PDE3B: variants seen among roughly 807,000 people sequenced by gnomAD.
The protein encoded by PDE3B is cGMP-inhibited 3',5'-cyclic phosphodiesterase 3B.
PDE3B carries 66 observed loss-of-function variants against 116.8 expected under a neutral mutation model. That is an observed-to-expected ratio of 0.56 (90% CI 0.46 to 0.69). The LOEUF (loss-of-function observed/expected upper bound fraction) is 0.69, where lower values mean the gene tolerates loss of function less well. PDE3B is among the 30% of genes least tolerant of loss of function. The pLI, the probability that PDE3B is intolerant of heterozygous loss-of-function variation, is 0.00. For missense variants in PDE3B, 1,384 were observed against 1,368.1 expected, an observed-to-expected ratio of 1.01 and a Z score of -0.18; for synonymous variants, 595 against 533.6, an observed-to-expected ratio of 1.12 and a Z score of -1.59.
At chr11:14,841,924 C>T (rs940335158) in intron 11 of PDE3B, among the ~76,000 whole-genome samples, 3 of 151,268 alleles carry the variant, frequency 2.0e-5, no homozygotes, top group Non-Finnish European at 2.9e-5. Flanking sequence ...ATTGCTTTGG[C>T]TACTTGGAAT....
intron 11 of PDE3B, among the ~76,000 whole-genome samples, chr11:14,841,550 C>T (rs1353465750): frequency 6.7e-6 from 1 of 148,736 alleles, no homozygotes; most frequent in Admixed American, 6.8e-5. Context: ...GGTTTATGCA[C>T]ACAACAGCTA....
At chr11:14,695,684 C>T (rs565040209) in intron 1 of PDE3B, among the ~76,000 whole-genome samples, 68 of 151,566 alleles carry the variant, frequency 4.5e-4, no homozygotes, top group African/African-American at 1.5e-3. Context: ...CCTCCCCCAA[C>T]AGGCCCCAGC....
chr11:14,682,372 T>G (rs1423393525), intron 1 of PDE3B, among the ~76,000 whole-genome samples: 1 of 152,216 alleles, frequency 6.6e-6, no homozygotes, highest in African/African-American at 2.4e-5. Context: ...TGGCTAGGAC[T>G]TCCAGTACCA....
chr11:14,713,304 C>T (rs1855762875), intron 1 of PDE3B, among the ~76,000 whole-genome samples: 1 of 152,084 alleles, frequency 6.6e-6, no homozygotes, highest in Non-Finnish European at 1.5e-5. Flanking sequence ...TATGTGTGAA[C>T]CTCACTGGAT....
rs190956721 is a variant in PDE3B at position 14,806,227 on chromosome 11, C to T, written c.1522+2177C>T. On this transcript the variant is annotated intron_variant, in intron 5 of 15. Coordinates refer to ENST00000282096, the MANE Select transcript of PDE3B (RefSeq NM_000922.4). ...CAGCACTTTGGGAGGCCAAGGCAGG[C>T]GGATCATGAGGTCAGGAGATCGAGA... 2.4e-3 allele frequency among the ~76,000 whole-genome samples: 360 copies of T among 149,732 alleles called. 1 individual carries two copies. The highest frequency in any genetic ancestry group is 2.7e-3 in the South Asian group (13 of 4,734).
intron 1 of PDE3B, among the ~76,000 whole-genome samples, chr11:14,679,936 G>A (rs542869075): frequency 6.6e-6 from 1 of 152,056 alleles, no homozygotes; most frequent in Non-Finnish European, 1.5e-5. Context: ...CTCCATCACT[G>A]TAGTGGACCA....
chr11:14,827,984 A>T (rs1488637022), intron 7 of PDE3B, among the ~76,000 whole-genome samples: 1 of 152,248 alleles, frequency 6.6e-6, no homozygotes, highest in African/African-American at 2.4e-5. Flanking sequence ...CCAATGGGAC[A>T]GAATAGAGAG....
chr11:14,660,241 T>A (rs1475053256), intron 1 of PDE3B, among the ~76,000 whole-genome samples: 1 of 151,926 alleles, frequency 6.6e-6, no homozygotes, highest in Non-Finnish European at 1.5e-5. Context: ...ACATACTGAA[T>A]GCCACTAATT....
intron 12 of PDE3B, among the ~76,000 whole-genome samples, chr11:14,854,329 G>T (rs978437938): frequency 3.3e-5 from 5 of 152,100 alleles, no homozygotes; most frequent in Admixed American, 3.3e-4. Context: ...CCTGGAGTGG[G>T]TATTAGTAGT....
At chr11:14,689,059 C>A (rs1854972601) in intron 1 of PDE3B, among the ~76,000 whole-genome samples, 1 of 152,214 alleles carries the variant, frequency 6.6e-6, no homozygotes, top group African/African-American at 2.4e-5. Flanking sequence ...AGGCCTGAGC[C>A]ACTGTATGCG....
At chr11:14,730,098 C>T (rs948775582) in intron 1 of PDE3B, among the ~76,000 whole-genome samples, 4 of 152,102 alleles carry the variant, frequency 2.6e-5, no homozygotes, top group African/African-American at 9.7e-5. Flanking sequence ...CTCACTTGCC[C>T]CTCACGTTAG....
At chr11:14,660,022 G>A (rs72869727) in intron 1 of PDE3B, among the ~76,000 whole-genome samples, 2 of 152,024 alleles carry the variant, frequency 1.3e-5, no homozygotes, top group South Asian at 2.1e-4. Flanking sequence ...TCCATAAAAG[G>A]TTCTCTTTAG....
chr11:14,690,659 G>C (rs1855019695), intron 1 of PDE3B, among the ~76,000 whole-genome samples: 1 of 149,088 alleles, frequency 6.7e-6, no homozygotes, highest in Non-Finnish European at 1.5e-5. Flanking sequence ...ATTCTAGAAG[G>C]TTCAGGCCCA....
In PDE3B at chr11:14,870,277, A is replaced by G. The variant is rs1848121740; in HGVS notation, c.*617A>G. The G allele has an allele frequency of 6.6e-6, 1 of 152,494 alleles. No homozygotes were observed. 9.4% of individuals were successfully genotyped at this position (152,494 alleles called of 1,614,324 possible). A position where few individuals can be genotyped will look rare whatever the true frequency, so the allele number is the denominator to read the frequency against. On this transcript the variant is annotated 3_prime_UTR_variant, in exon 16 of 16. Transcript: ENST00000282096. The surrounding 1 kb of genome is among the most constrained non-coding windows in gnomAD (Gnocchi z 4.1). ...CAAAATCCAGGTGCATCAATTTCTG[A>G]TGCTTTTTACTATTGTGTATTATCT...
At chr11:14,736,406 CA>C (rs1856603358) in intron 1 of PDE3B, among the ~76,000 whole-genome samples, 1 of 152,152 alleles carries the variant, frequency 6.6e-6, no homozygotes, top group Non-Finnish European at 1.5e-5. Context: ...TCGTAGAGAA[CA>C]CAAAGAAAAG....
In PDE3B at chr11:14,859,213, G is replaced by C; in HGVS notation, c.2691G>C (p.Lys897Asn). The C allele has an allele frequency of 6.2e-7, 1 of 1,611,450 alleles. No individual in the cohort carries two copies. Among genetic ancestry groups the C allele is most frequent in the African/African-American group, 1.3e-5 (1 of 74,936 alleles). ...CAATCCTTGCTACGGATCTTAAAAA[G>C]CATTTTGATTTTCTCGCAGAATTCA... Reference protein sequence around the residue: ...IEAILATDLKKHFDFLAEFNA... With the variant: ...IEAILATDLKNHFDFLAEFNA... Residue 897 changes from lysine to asparagine, a missense_variant, in exon 13 of 16, where the codon AAG (lysine) becomes AAC (asparagine). Physicochemically the swap from Lys to Asn is moderately conservative, Grantham distance 94 (BLOSUM62 0). This residue lies in a region of PDE3B where 428 missense variants were observed against 561.4 expected (regional missense o/e 0.76). Coordinates refer to ENST00000282096, the MANE Select transcript of PDE3B (RefSeq NM_000922.4).
intron 1 of PDE3B, among the ~76,000 whole-genome samples, chr11:14,757,123 G>A (rs1857213168): frequency 6.6e-6 from 1 of 151,864 alleles, no homozygotes; most frequent in African/African-American, 2.4e-5. Flanking sequence ...CCCTACAAAG[G>A]ACACGAACTC....
intron 2 of PDE3B, chr11:14,772,852 A>T (rs1183481097): frequency 6.6e-6 from 1 of 152,006 alleles, no homozygotes; most frequent in Non-Finnish European, 1.5e-5. Flanking sequence ...TTACTTAATA[A>T]TTCTAATAGC....
intron 1 of PDE3B, among the ~76,000 whole-genome samples, chr11:14,771,566 C>T (rs1246423738): frequency 6.6e-6 from 1 of 151,702 alleles, no homozygotes; most frequent in Non-Finnish European, 1.5e-5. Flanking sequence ...AATAGCATCA[C>T]CCATCACCCA....
Sources: allele counts gnomAD v4.1 joint callset (sites outside exome capture counted in the v4.1 genomes callset), GRCh38; gene constraint gnomAD v4.1.1; regional missense constraint gnomAD v4.1.1; non-coding constraint Gnocchi (gnomAD v3.1); transcripts MANE v1.5; gene names NCBI Gene and HGNC (gene_info 2026-07-23, HGNC 2026-07-21).